Variants in TRIM24 observed in about 807,000 individuals in gnomAD.
TRIM24 encodes transcription intermediary factor 1-alpha.
A neutral mutation model predicts 123.9 loss-of-function variants in TRIM24; 29 were observed. That is an observed-to-expected ratio of 0.23 (90% confidence interval 0.17 to 0.32). TRIM24 has a LOEUF of 0.32. Ranked by LOEUF, TRIM24 falls within the 10% of genes least tolerant of loss-of-function variation. TRIM24 has a pLI of 1.00. For missense variants in TRIM24, 932 were observed against 1,295.3 expected, an observed-to-expected ratio of 0.72 and a Z score of 4.31; for synonymous variants, 456 against 461.1, an observed-to-expected ratio of 0.99 and a Z score of 0.14.
chr7:138,545,176 G>C (rs539268804), intron 7 of TRIM24, among the ~76,000 whole-genome samples: 1 of 149,676 alleles, frequency 6.7e-6, no homozygotes, highest in South Asian at 2.1e-4. Context: ...GTGTGTGTGT[G>C]TGTGTGTGTA....
chr7:138,470,035 C>T (rs1795236050), intron 1 of TRIM24, among the ~76,000 whole-genome samples: 1 of 151,958 alleles, frequency 6.6e-6, no homozygotes, highest in African/African-American at 2.4e-5. Context: ...TACTGTATAA[C>T]CTATCTTAAC....
chr7:138,579,511 C>T lies in TRIM24; in HGVS notation c.2564C>T (p.Pro855Leu). 1 of 1,604,632 alleles carries T rather than the reference C, an allele frequency of 6.2e-7. No homozygotes were observed. The highest frequency in any genetic ancestry group is 8.5e-7 in the Non-Finnish European group (1 of 1,174,256). The change falls in exon 15 of 19, where the codon CCC (proline) becomes CTC (leucine). Residue 855 changes from proline (P) to leucine (L), a missense_variant. By Grantham distance (98) the Pro-to-Leu change is moderately conservative. Transcript: ENST00000343526. ...PKVFHLSCHV[P>L]TLTNFPSGEW... Reference sequence around the variant, plus strand: ...GTATTCCATCTTTCTTGTCATGTGCCCACATTGACAAATTTTCCAAGGTAA... The same window carrying T: ...GTATTCCATCTTTCTTGTCATGTGCTCACATTGACAAATTTTCCAAGGTAA...
intron 1 of TRIM24, among the ~76,000 whole-genome samples, chr7:138,462,910 C>G (rs1375231101): frequency 6.6e-6 from 1 of 151,344 alleles, no homozygotes; most frequent in South Asian, 2.1e-4. Context: ...GCTCTTCTTG[C>G]CCAGGCTGGA....
intron 5 of TRIM24, 99 bp downstream of exon 5, chr7:138,525,456 A>T: frequency 1.8e-6 from 1 of 544,048 alleles, no homozygotes; most frequent in Non-Finnish European, 3.0e-6. Context: ...ATACGTTGTT[A>T]GATGACTGCA....
Position 138,579,386 on chromosome 7 carries a change from T to G in TRIM24, c.2439T>G (p.Leu813=). 6.2e-7 allele frequency: 1 copy of G among 1,614,126 alleles called. No homozygotes were observed. The highest frequency in any genetic ancestry group is 8.5e-7 in the Non-Finnish European group (1 of 1,180,010). Residue 813 remains leucine, a synonymous_variant, in exon 15 of 19, where the codon CTT becomes CTG. Coordinates refer to ENST00000343526, the MANE Select transcript of TRIM24 (RefSeq NM_015905.3). The part of the protein sequence containing the change: ...EWLDPSQKSP[L]HVGETRKEDD... ...TGGATCCTTCCCAGAAGTCACCTCT[T>G]CATGTTGGAGAGACAAGGAAAGAGG...
chr7:138,469,778 T>C (rs1795230565), intron 1 of TRIM24, among the ~76,000 whole-genome samples: 1 of 152,208 alleles, frequency 6.6e-6, no homozygotes, highest in Non-Finnish European at 1.5e-5. Context: ...AGCTTTAAAG[T>C]ACTTGATATA....
At chr7:138,482,426 A>T (rs201246902) in intron 1 of TRIM24, among the ~76,000 whole-genome samples, 46 of 150,796 alleles carry the variant, frequency 3.1e-4, no homozygotes, top group East Asian at 3.9e-4. Context: ...AGAAATTGAT[A>T]AAAAAAATCA....
chr7:138,493,891 G>A (rs1434879747), intron 1 of TRIM24, among the ~76,000 whole-genome samples: 2 of 152,116 alleles, frequency 1.3e-5, no homozygotes, highest in African/African-American at 2.4e-5. Flanking sequence ...TTATTTCCCA[G>A]TAGTCTAATA....
chr7:138,535,910 C>G lies in TRIM24; in HGVS notation c.997-2747C>G, dbSNP rs542618791. On this transcript the variant is annotated intron_variant, in intron 6 of 18. Transcript: ENST00000343526. ...TCCCATATTTCTTGGTGGCTTTGTT[C>G]GTTTCTTTTTACTCTTTTTTCTCTA... Among the ~76,000 whole-genome samples, 12 of 152,108 alleles carry G rather than the reference C, an allele frequency of 7.9e-5. No homozygotes were observed. The South Asian group carries it at 2.5e-3, about 32-fold the overall frequency.
At chr7:138,466,695 A>G (rs961342927) in intron 1 of TRIM24, among the ~76,000 whole-genome samples, 13 of 151,578 alleles carry the variant, frequency 8.6e-5, no homozygotes, top group Admixed American at 6.6e-4. Context: ...CTTTATATAT[A>G]TTCTATATCT....
intron 9 of TRIM24, among the ~76,000 whole-genome samples, chr7:138,567,097 C>G (rs550483850): frequency 6.9e-4 from 105 of 152,278 alleles, no homozygotes; most frequent in African/African-American, 2.5e-3. Context: ...AGTTATTATT[C>G]TACCATCACT....
At chr7:138,474,083 A>T (rs1351270635) in intron 1 of TRIM24, among the ~76,000 whole-genome samples, 2 of 144,552 alleles carry the variant, frequency 1.4e-5, no homozygotes, top group Non-Finnish European at 3.1e-5. Flanking sequence ...GCACTTTTTT[A>T]TTTCCTGGCA....
chr7:138,536,879 G>A (rs960716887), intron 6 of TRIM24, among the ~76,000 whole-genome samples: 1 of 152,180 alleles, frequency 6.6e-6, no homozygotes, highest in Non-Finnish European at 1.5e-5. Context: ...CGAGCTTCCT[G>A]GCCGCTTTGT....
At chr7:138,538,189 A>G (rs770386320) in intron 6 of TRIM24, among the ~76,000 whole-genome samples, 21 of 152,248 alleles carry the variant, frequency 1.4e-4, no homozygotes, top group Admixed American at 5.2e-4. Context: ...AGTGTCATCT[A>G]CAACACAGCA....
intron 9 of TRIM24, among the ~76,000 whole-genome samples, chr7:138,565,856 T>C (rs926506533): frequency 6.6e-6 from 1 of 152,212 alleles, no homozygotes; most frequent in African/African-American, 2.4e-5. Context: ...AGTGACAGGT[T>C]TCATAATCCT....
chr7:138,537,416 C>T (rs1337563628), intron 6 of TRIM24, among the ~76,000 whole-genome samples: 1 of 85,864 alleles, frequency 1.2e-5, no homozygotes, highest in East Asian at 3.7e-4. Context: ...TTTGTAAAGA[C>T]GTGGTCTCAC....
At chr7:138,538,519 G>C (rs2116608269) in intron 6 of TRIM24, 138 bp from the exon 7 acceptor site, 1 of 985,060 alleles carries the variant, frequency 1.0e-6, no homozygotes, top group Middle Eastern at 2.8e-4. Context: ...TATACTAATA[G>C]GGAAAACAGA....
chr7:138,529,608 T>C (rs763340240), intron 6 of TRIM24, among the ~76,000 whole-genome samples: 10 of 152,218 alleles, frequency 6.6e-5, no homozygotes, highest in African/African-American at 2.2e-4. Context: ...TTCTCAAATA[T>C]ATATATTTAA....
At chr7:138,483,558 A>G (rs977892331) in intron 1 of TRIM24, among the ~76,000 whole-genome samples, 4 of 152,172 alleles carry the variant, frequency 2.6e-5, no homozygotes, top group Middle Eastern at 3.2e-3. Context: ...AGATATTCCC[A>G]TTGGTGAGGG....
Sources: gnomAD v4.1 joint callset for allele counts (sites outside exome capture counted in the v4.1 genomes callset) on GRCh38, gnomAD v4.1.1 for gene constraint, MANE v1.5 for transcripts, NCBI Gene and HGNC (gene_info 2026-07-23, HGNC 2026-07-21) for gene names.